MED23: variants seen among roughly 807,000 people sequenced by gnomAD.
MED23 encodes mediator complex subunit 23, also known as mediator of RNA polymerase II transcription subunit 23.
In MED23, 105 loss-of-function variants were observed where a neutral mutation model predicts 163.9. That is an observed-to-expected ratio of 0.64 (90% confidence interval 0.55 to 0.75). MED23 has a LOEUF of 0.75. MED23 is among the 30% of genes least tolerant of loss of function. The pLI, the probability that MED23 is intolerant of heterozygous loss-of-function variation, is 0.00. For synonymous variants in MED23, 561 were observed against 565.6 expected (o/e 0.99, Z 0.12); for missense variants, 1,054 against 1,649.0 (o/e 0.64, Z 6.25).
rs539130741 is a variant in MED23 at position 131,619,981 on chromosome 6, A to G, written c.598-85T>C. The stretch of plus-strand genomic sequence containing the variant: ...GCCCCTGAAATATATGAACATTTAT[A>G]TAAAATGAGATAATATATGTAAAGA... On this transcript the variant is annotated intron_variant, in intron 7 of 28. Coordinates refer to ENST00000368068, the MANE Select transcript of MED23 (RefSeq NM_004830.4). The G allele has an allele frequency of 2.3e-5, 19 of 820,426 alleles. No individual in the cohort carries two copies. The East Asian group carries it at 3.2e-4, about 14-fold the overall frequency. The allele number at this position is 820,426 out of a possible 1,614,324, so 50.8% of individuals were successfully genotyped here.
At position 131,590,310 on chromosome 6, in the gene MED23, A is replaced by C. The variant is rs771338455; in HGVS notation, c.3807+12T>G. 1 of 1,610,594 alleles carries C rather than the reference A, an allele frequency of 6.2e-7. No individual in the cohort carries two copies. The highest frequency in any genetic ancestry group is 1.1e-5 in the South Asian group (1 of 90,932). ...TTTAATCATGTCACAGGAAACCCAGATTATATTTTACCTCTATCATACAAC... is the reference window on the plus strand; with the variant it reads ...TTTAATCATGTCACAGGAAACCCAGCTTATATTTTACCTCTATCATACAAC... On this transcript the variant is annotated intron_variant, in intron 27 of 28. Coordinates refer to ENST00000368068, the MANE Select transcript of MED23 (RefSeq NM_004830.4).
intron 6 of MED23, among the ~76,000 whole-genome samples, chr6:131,621,346 T>G (rs1365603915): frequency 6.6e-6 from 1 of 151,880 alleles, no homozygotes; most frequent in Non-Finnish European, 1.5e-5. Context: ...ATATATAATA[T>G]ATATACACAC....
Position 131,628,183 on chromosome 6 carries a change from C to T in MED23, c.-134G>A. 9.7e-7 allele frequency: 1 copy of T among 1,032,446 alleles called. No individual in the cohort carries two copies. The allele number at this position is 1,032,446 out of a possible 1,614,324, so 64.0% of individuals were successfully genotyped here. A position where few individuals can be genotyped will look rare whatever the true frequency, so the allele number is the denominator to read the frequency against. The stretch of plus-strand genomic sequence containing the variant: ...TCCTCGGCGTCGCTTCCTCCCCCAG[C>T]GCTTTACCTGGAGCGTTCCCTCCCG... On this transcript the variant is annotated 5_prime_UTR_variant, in exon 1 of 29. Coordinates refer to ENST00000368068, the MANE Select transcript of MED23 (RefSeq NM_004830.4).
chr6:131,591,669 T>A, intron 25 of MED23, 142 bp from the exon 26 acceptor site: 1 of 692,852 alleles, frequency 1.4e-6, no homozygotes, highest in Non-Finnish European at 2.5e-6. Context: ...GCTTTGTAAC[T>A]GGTCAAATTA....
rs1777357150 is a variant in MED23, at chr6:131,624,728, G to A, written c.284+137C>T. ...TTACTCCTAGAAACTAAAACCTGAG[G>A]TATTATATAAAGGATTACTTGATAA... On this transcript the variant is annotated intron_variant, in intron 4 of 28. Coordinates refer to ENST00000368068, the MANE Select transcript of MED23 (RefSeq NM_004830.4). 4 of 925,250 alleles carry A rather than the reference G, an allele frequency of 4.3e-6. No homozygotes were observed. The South Asian group carries it at 5.8e-5, about 13-fold the overall frequency. The allele number at this position is 925,250 out of a possible 1,614,324, so 57.3% of individuals were successfully genotyped here. A position where few individuals can be genotyped will look rare whatever the true frequency, so the allele number is the denominator to read the frequency against.
In MED23 at chr6:131,587,874, A is replaced by T. The variant is rs770232108; in HGVS notation, c.3940-28T>A. 8.9e-6 allele frequency: 14 copies of T among 1,573,800 alleles called. 1 individual carries two copies. In the South Asian group the frequency reaches 1.6e-4, roughly 18 times the overall value. On this transcript the variant is annotated intron_variant, in intron 28 of 28. Transcript: ENST00000368068. ...AAGAAATAAAAACACATTAAAACGT[A>T]CTTTAATCAGAGAATTTCAACTTCT...
intron 8 of MED23, 110 bp from the exon 9 acceptor site, chr6:131,618,629 A>T (rs559667832): frequency 1.9e-5 from 14 of 741,022 alleles, no homozygotes; most frequent in African/African-American, 8.8e-5. Flanking sequence ...GGTTTGGTTT[A>T]AAAATGGCTT....
chr6:131,578,964 T>C, intron 30 of MED23: 1 of 886,568 alleles, frequency 1.1e-6, no homozygotes, highest in East Asian at 2.7e-5. Flanking sequence ...GACATGGGTC[T>C]ACCTTCCCAA....
chr6:131,621,870 G>A lies in MED23; in HGVS notation c.495+11C>T, dbSNP rs1777133560. ...GGTTATGATCACGAATTTCAGACAT[G>A]TCTAAATTACCTCTCTTGCTGCCAG... On this transcript the variant is annotated intron_variant, in intron 6 of 28. Transcript: ENST00000368068. 3 of 1,589,688 alleles carry A rather than the reference G, an allele frequency of 1.9e-6. No individual in the cohort carries two copies. The highest frequency in any genetic ancestry group is 2.7e-5 in the African/African-American group (2 of 74,028).
intron 5 of MED23, 145 bp from the exon 6 acceptor site, chr6:131,622,124 A>G (rs1562405692): frequency 3.3e-6 from 2 of 603,150 alleles, no homozygotes; most frequent in Non-Finnish European, 5.9e-6. Context: ...CCCTAACATT[A>G]ACCCAACAGA....
chr6:131,588,399 G>A (rs191240946), intron 28 of MED23, among the ~76,000 whole-genome samples: 3 of 152,196 alleles, frequency 2.0e-5, no homozygotes, highest in East Asian at 1.9e-4. Context: ...ACATCAAGTC[G>A]TTTCACAGCT....
chr6:131,627,482 T>G lies in MED23; in HGVS notation c.73A>C (p.Met25Leu). Reference protein sequence around the residue: ...TEVIEEAFPGMFMDTPEDEKT... With the variant: ...TEVIEEAFPGLFMDTPEDEKT... ...TCATCTTCAGGAGTATCCATAAACA[T>G]GCTAAAAAAATAAAAATTACATTAT... Residue 25 changes from methionine (M) to leucine (L), a missense_variant and splice_region_variant, in exon 3 of 29, where the codon ATG becomes CTG. Physicochemically the swap from Met to Leu is conservative, Grantham distance 15 (BLOSUM62 2). This residue lies in a region of MED23 where 227 missense variants were observed against 235.5 expected (regional missense o/e 0.96). Coordinates refer to ENST00000368068, the MANE Select transcript of MED23 (RefSeq NM_004830.4). 1 of 1,612,372 alleles carries G rather than the reference T, an allele frequency of 6.2e-7. No homozygotes were observed. The highest frequency in any genetic ancestry group is 1.1e-5 in the South Asian group (1 of 91,010).
chr6:131,597,041 C>T (rs1344563437), intron 20 of MED23, among the ~76,000 whole-genome samples: 1 of 152,100 alleles, frequency 6.6e-6, no homozygotes, highest in Non-Finnish European at 1.5e-5. Flanking sequence ...TTACATTATT[C>T]CCCCTAAAAT....
Position 131,598,897 on chromosome 6 carries a change from C to A in MED23, c.2221-136G>T, listed in dbSNP as rs1470215677. 4 of 753,444 alleles carry A rather than the reference C, an allele frequency of 5.3e-6. No individual in the cohort carries two copies. Among genetic ancestry groups the A allele is most frequent in the Non-Finnish European group, 9.1e-6 (4 of 438,494 alleles). The allele number at this position is 753,444 out of a possible 1,614,324, so 46.7% of individuals were successfully genotyped here. A position where few individuals can be genotyped will look rare whatever the true frequency, so the allele number is the denominator to read the frequency against. On this transcript the variant is annotated intron_variant, in intron 18 of 28. Transcript: ENST00000368068. This position sits in a 1 kb window ranked among gnomAD's most constrained non-coding sequence, Gnocchi z 4.7. Reference sequence around the variant, plus strand: ...ACCTTGAGCAACTCAGCAATTAAGGCCTGAATTTCTGTGTCTGGAAAATAC... The same window carrying A: ...ACCTTGAGCAACTCAGCAATTAAGGACTGAATTTCTGTGTCTGGAAAATAC...
intron 20 of MED23, among the ~76,000 whole-genome samples, chr6:131,597,281 C>T (rs1390870551): frequency 1.3e-5 from 2 of 151,734 alleles, no homozygotes; most frequent in Non-Finnish European, 2.9e-5. Flanking sequence ...TTGAGCCCAT[C>T]CTGGCTAACA....
downstream of MED23, chr6:131,582,986 T>A: frequency 9.7e-7 from 1 of 1,034,222 alleles, no homozygotes; most frequent in Non-Finnish European, 1.4e-6. Context: ...ACTATATTTA[T>A]ATTTCCCTTA....
At chr6:131,586,415 GAA>G (rs962494413), downstream of MED23, among the ~76,000 whole-genome samples, 1 of 148,912 alleles carries the variant, frequency 6.7e-6, no homozygotes, top group Non-Finnish European at 1.5e-5. Context: ...AAAAAAAAAA[GAA>G]AAGAGTAAGT....
At chr6:131,581,553 C>T (rs1286417309) in intron 30 of MED23, among the ~76,000 whole-genome samples, 1 of 152,242 alleles carries the variant, frequency 6.6e-6, no homozygotes, top group East Asian at 1.9e-4. Flanking sequence ...CTCTCTATCT[C>T]TGCCTTGCAA....
Position 131,627,950 on chromosome 6 carries a change from G to A in MED23, c.39+61C>T, listed in dbSNP as rs1277724052. ...TTGCCCAGGCCAGTTTCCTTGGTCG[G>A]CTGCCCCCGCGTCTCCCCGTCCCCA... is the stretch of plus-strand genomic sequence containing the variant. On this transcript the variant is annotated intron_variant, in intron 1 of 28. Coordinates refer to ENST00000368068, the MANE Select transcript of MED23 (RefSeq NM_004830.4). 2.5e-6 allele frequency: 4 copies of A among 1,607,342 alleles called. No individual in the cohort carries two copies. In the Admixed American group the frequency reaches 6.7e-5, roughly 27 times the overall value.
Sources: allele counts gnomAD v4.1 joint callset (sites outside exome capture counted in the v4.1 genomes callset), GRCh38; gene constraint gnomAD v4.1.1; regional missense constraint gnomAD v4.1.1; non-coding constraint Gnocchi (gnomAD v3.1); transcripts MANE v1.5; gene names NCBI Gene and HGNC (gene_info 2026-07-23, HGNC 2026-07-21).